The following DPYD variants were observed in gnomAD, a reference collection of about 807,000 sequenced individuals.
DPYD encodes dihydropyrimidine dehydrogenase [NADP(+)].
A neutral mutation model predicts 116.2 loss-of-function variants in DPYD; 109 were observed. That is an observed-to-expected ratio of 0.94 (90% CI 0.80 to 1.10). The LOEUF (loss-of-function observed/expected upper bound fraction) is 1.10, where lower values mean the gene tolerates loss of function less well. Ranked by LOEUF, DPYD falls within the 50% of genes least tolerant of loss-of-function variation. DPYD has a pLI of 0.00. For missense variants in DPYD, 1,302 were observed against 1,254.5 expected, an observed-to-expected ratio of 1.04 and a Z score of -0.57; for synonymous variants, 440 against 432.0, an observed-to-expected ratio of 1.02 and a Z score of -0.23.
In DPYD at chr1:97,225,682, T is replaced by C. The variant is rs549145431; in HGVS notation, c.2442+9170A>G. Among the ~76,000 whole-genome samples the C allele has an allele frequency of 8.5e-4, 129 of 152,118 alleles. 1 individual carries two copies. In the South Asian group the frequency reaches 0.013, roughly 15 times the overall value. On this transcript the variant is annotated intron_variant, in intron 19 of 22. Coordinates refer to ENST00000370192, the MANE Select transcript of DPYD (RefSeq NM_000110.4). Reference sequence around the variant, plus strand: ...ATCCATAGGAAGTCTTTTCATCTTGTTGATTGCTTCCTTTTTTGTATAGAA... The same window carrying C: ...ATCCATAGGAAGTCTTTTCATCTTGCTGATTGCTTCCTTTTTTGTATAGAA...
At chr1:97,386,673 A>C (rs1423390164) in intron 14 of DPYD, among the ~76,000 whole-genome samples, 1 of 152,156 alleles carries the variant, frequency 6.6e-6, no homozygotes, top group Non-Finnish European at 1.5e-5. Flanking sequence ...AAATGACTTT[A>C]TATTTATTTT....
Position 97,323,501 on chromosome 1 carries a change from T to C in DPYD, c.2059-17204A>G, listed in dbSNP as rs990536999. ...TATATACACGTATATATACATATCA[T>C]ATGTACATATGTGTATATATACACA... On this transcript the variant is annotated intron_variant, in intron 16 of 22. Transcript: ENST00000370192. 1.4e-3 allele frequency among the ~76,000 whole-genome samples: 102 copies of C among 74,864 alleles called. 4 individuals carry two copies. Among genetic ancestry groups the C allele is most frequent in the African/African-American group, 3.5e-3 (102 of 29,496 alleles). 49.1% of individuals were successfully genotyped at this position (74,864 alleles called of 152,430 possible). A position where few individuals can be genotyped will look rare whatever the true frequency, so the allele number is the denominator to read the frequency against.
chr1:97,823,185 C>G (rs748703239), intron 3 of DPYD, among the ~76,000 whole-genome samples: 13 of 151,990 alleles, frequency 8.6e-5, no homozygotes, highest in Non-Finnish European at 1.5e-4. Flanking sequence ...GACGGAGTCT[C>G]ACTCTGTCAC....
chr1:97,621,585 G>T (rs1394856674), intron 8 of DPYD, among the ~76,000 whole-genome samples: 1 of 152,052 alleles, frequency 6.6e-6, no homozygotes, highest in Non-Finnish European at 1.5e-5. Flanking sequence ...GCATAGGTTA[G>T]TATACACATA....
intron 20 of DPYD, among the ~76,000 whole-genome samples, chr1:97,167,647 T>C (rs971776485): frequency 6.6e-6 from 1 of 152,174 alleles, no homozygotes. Context: ...ATGGGAAGAA[T>C]TGCTAACAAA....
chr1:97,119,747 A>G (rs1391172524), intron 20 of DPYD, among the ~76,000 whole-genome samples: 1 of 152,134 alleles, frequency 6.6e-6, no homozygotes, highest in Admixed American at 6.6e-5. Context: ...CTTTTCTGAA[A>G]ACAAAACCCT....
At chr1:97,483,700 A>AG (rs1214617680) in intron 13 of DPYD, among the ~76,000 whole-genome samples, 1 of 152,150 alleles carries the variant, frequency 6.6e-6, no homozygotes, top group African/African-American at 2.4e-5. Context: ...TTAGGCCAGG[A>AG]GGGCTCCTTA....
intron 12 of DPYD, among the ~76,000 whole-genome samples, chr1:97,519,437 C>G (rs987254883): frequency 6.6e-6 from 1 of 152,104 alleles, no homozygotes; most frequent in Non-Finnish European, 1.5e-5. Flanking sequence ...ACGGGTCCCT[C>G]CCACAACACA....
intron 19 of DPYD, among the ~76,000 whole-genome samples, chr1:97,204,097 C>G (rs975105438): frequency 1.3e-5 from 2 of 152,082 alleles, no homozygotes; most frequent in African/African-American, 4.8e-5. Flanking sequence ...AAAAACAAAA[C>G]AACCTTACCA....
chr1:97,148,249 T>G lies in DPYD; in HGVS notation c.2622+44820A>C, dbSNP rs1299699777. Among the ~76,000 whole-genome samples the G allele has an allele frequency of 2.2e-3, 278 of 123,562 alleles. 2 individuals carry two copies. The highest frequency in any genetic ancestry group is 8.2e-3 in the African/African-American group (217 of 26,594). 81.1% of individuals were successfully genotyped at this position (123,562 alleles called of 152,430 possible). On this transcript the variant is annotated intron_variant, in intron 20 of 22. Coordinates refer to ENST00000370192, the MANE Select transcript of DPYD (RefSeq NM_000110.4). The stretch of plus-strand genomic sequence containing the variant: ...GGTGTATGTGTAGGGTGTGTGTGTG[T>G]GTGTGGGGGGGGTGTGTGTGTTCTT...
intron 10 of DPYD, among the ~76,000 whole-genome samples, chr1:97,590,391 C>A (rs890213240): frequency 7.2e-5 from 11 of 152,136 alleles, no homozygotes; most frequent in Admixed American, 6.5e-4. Flanking sequence ...GGTGCTGATT[C>A]CCTCCAGTAA....
intron 14 of DPYD, among the ~76,000 whole-genome samples, chr1:97,389,280 G>A (rs932812120): frequency 1.4e-5 from 2 of 147,700 alleles, no homozygotes; most frequent in African/African-American, 5.0e-5. Flanking sequence ...CTGCACTACA[G>A]CCTGGGCGAC....
At chr1:97,606,031 T>C (rs1291833241) in intron 8 of DPYD, among the ~76,000 whole-genome samples, 3 of 152,096 alleles carry the variant, frequency 2.0e-5, no homozygotes, top group Non-Finnish European at 4.4e-5. Context: ...TTTCATTGTA[T>C]AATCATTATA....
chr1:97,644,048 G>A (rs758974874), intron 8 of DPYD, among the ~76,000 whole-genome samples: 110 of 151,756 alleles, frequency 7.2e-4, no homozygotes, highest in Non-Finnish European at 2.8e-4. Context: ...AAACCTGCAC[G>A]TTCTGCACAT....
At chr1:97,917,660 A>T (rs746229361) in intron 1 of DPYD, among the ~76,000 whole-genome samples, 1 of 152,210 alleles carries the variant, frequency 6.6e-6, no homozygotes, top group East Asian at 1.9e-4. Context: ...CTAACTGATC[A>T]TTCAAGGAAT....
chr1:97,724,837 G>C (rs1402873026), intron 4 of DPYD, among the ~76,000 whole-genome samples: 1 of 150,964 alleles, frequency 6.6e-6, no homozygotes, highest in Non-Finnish European at 1.5e-5. Flanking sequence ...ATTCACCATA[G>C]CACTTGAAAT....
intron 14 of DPYD, among the ~76,000 whole-genome samples, chr1:97,414,193 A>AT (rs1349503083): frequency 1.3e-5 from 2 of 152,208 alleles, no homozygotes; most frequent in East Asian, 3.8e-4. Context: ...ACATACCAAT[A>AT]TACACATTTG....
At chr1:97,795,936 A>C (rs1015981385) in intron 3 of DPYD, among the ~76,000 whole-genome samples, 1 of 152,080 alleles carries the variant, frequency 6.6e-6, no homozygotes. Context: ...TATCCTTATA[A>C]ATTTTCTGAT....
chr1:97,108,967 A>G (rs1445845876), intron 20 of DPYD, among the ~76,000 whole-genome samples: 1 of 152,138 alleles, frequency 6.6e-6, no homozygotes, highest in Non-Finnish European at 1.5e-5. Flanking sequence ...CCTTCTACTA[A>G]AGCAATGCAA....
Sources: allele counts gnomAD v4.1 joint callset (sites outside exome capture counted in the v4.1 genomes callset), GRCh38; gene constraint gnomAD v4.1.1; transcripts MANE v1.5; gene names NCBI Gene and HGNC (gene_info 2026-07-23, HGNC 2026-07-21).